MAL: variants seen among roughly 807,000 people sequenced by gnomAD.
MAL encodes the protein myelin and lymphocyte protein.
MAL carries 5 observed loss-of-function variants against 16.7 expected under a neutral mutation model. That is an observed-to-expected ratio of 0.30 (90% CI 0.16 to 0.63). The LOEUF (loss-of-function observed/expected upper bound fraction) is 0.63, where lower values mean the gene tolerates loss of function less well. Ranked by LOEUF, MAL falls within the 30% of genes least tolerant of loss-of-function variation. The pLI is 0.82. For synonymous variants in MAL, 96 were observed against 85.5 expected, an observed-to-expected ratio of 1.12 and a Z score of -0.67; for missense variants, 202 against 195.8, an observed-to-expected ratio of 1.03 and a Z score of -0.19.
At chr2:95,035,590 G>A (rs1399937795) in intron 1 of MAL, among the ~76,000 whole-genome samples, 1 of 152,016 alleles carries the variant, frequency 6.6e-6, no homozygotes, top group African/African-American at 2.4e-5. Context: ...GGGTGAGATT[G>A]CAAGCCTGAA....
chr2:95,038,214 CAGTGAGTG>C (rs1558658498), intron 1 of MAL, among the ~76,000 whole-genome samples: 1 of 44,034 alleles, frequency 2.3e-5, no homozygotes, highest in Non-Finnish European at 4.4e-5. Context: ...GTGAGTGACT[CAGTGAGTG>C]AGTGACTGAG....
chr2:95,039,236 GTGAC>G (rs1304782429), intron 1 of MAL, among the ~76,000 whole-genome samples: 54 of 150,982 alleles, frequency 3.6e-4, no homozygotes, highest in African/African-American at 9.0e-4. Context: ...GAGTGACTGA[GTGAC>G]TGAGTGAGTA....
chr2:95,040,425 A>C (rs1047595463), intron 1 of MAL, among the ~76,000 whole-genome samples: 4 of 152,200 alleles, frequency 2.6e-5, no homozygotes, highest in African/African-American at 9.7e-5. Context: ...ACACATACAT[A>C]CGCACAGAAA....
chr2:95,028,163 A>AC (rs1405898975), intron 1 of MAL, among the ~76,000 whole-genome samples: 1 of 149,494 alleles, frequency 6.7e-6, no homozygotes, highest in Non-Finnish European at 1.5e-5. Flanking sequence ...AAAAAAAAAA[A>AC]AAAAAAAAAA....
At chr2:95,037,707 A>AGTGG (rs1674274658) in intron 1 of MAL, among the ~76,000 whole-genome samples, 1 of 151,256 alleles carries the variant, frequency 6.6e-6, no homozygotes, top group Non-Finnish European at 1.5e-5. Flanking sequence ...TGAGTGAGTG[A>AGTGG]CTGAGTGAGT....
At chr2:95,051,750 G>C (rs547653797) in intron 3 of MAL, 1 of 152,338 alleles carries the variant, frequency 6.6e-6, no homozygotes, top group South Asian at 2.1e-4. Flanking sequence ...TTGAGAACCA[G>C]AGTGTTCTCA....
chr2:95,048,594 T>G (rs1429335608), intron 2 of MAL, among the ~76,000 whole-genome samples: 1 of 152,218 alleles, frequency 6.6e-6, no homozygotes, highest in Non-Finnish European at 1.5e-5. Flanking sequence ...CAGAGAGCAC[T>G]GGGAAACAGA....
chr2:95,042,142 G>A (rs750589051), intron 1 of MAL, among the ~76,000 whole-genome samples: 4 of 152,162 alleles, frequency 2.6e-5, no homozygotes, highest in Non-Finnish European at 5.9e-5. Context: ...GGAGAGGAGG[G>A]GAAAGGAGAG....
chr2:95,030,214 G>A (rs984727474), intron 1 of MAL, among the ~76,000 whole-genome samples: 5 of 152,216 alleles, frequency 3.3e-5, no homozygotes, highest in Admixed American at 3.3e-4. Flanking sequence ...GGAAGAGGAA[G>A]GCAGGCCCAA....
At chr2:95,038,467 G>GGTGAGTGAGTGACTGAGTGA (rs1674317574) in intron 1 of MAL, among the ~76,000 whole-genome samples, 2 of 52,568 alleles carry the variant, frequency 3.8e-5, no homozygotes, top group South Asian at 6.8e-4. Context: ...TGACTGAGTG[G>GGTGAGTGAGTGACTGAGTGA]GTGAGTGAGT....
In MAL at chr2:95,053,880, A is replaced by T; in HGVS notation, c.*425A>T. 1 of 179,202 alleles carries T rather than the reference A, an allele frequency of 5.6e-6. No homozygotes were observed. Among genetic ancestry groups the T allele is most frequent in the Non-Finnish European group, 1.2e-5 (1 of 83,964 alleles). 11.1% of individuals were successfully genotyped at this position (179,202 alleles called of 1,614,324 possible). ...ATCTTGTGCCATGTTTTAAGTCTTC[A>T]TGGATGTTCTGCATGTCATGGGGAC... On this transcript the variant is annotated 3_prime_UTR_variant, in exon 4 of 4. Coordinates refer to ENST00000309988, the MANE Select transcript of MAL (RefSeq NM_002371.4).
intron 1 of MAL, among the ~76,000 whole-genome samples, chr2:95,034,472 C>A (rs1674159368): frequency 6.6e-6 from 1 of 152,226 alleles, no homozygotes; most frequent in East Asian, 1.9e-4. Flanking sequence ...CATCTGCCCG[C>A]AGGCGTAGGA....
chr2:95,050,158 A>G (rs1442995176), intron 3 of MAL, among the ~76,000 whole-genome samples: 1 of 152,210 alleles, frequency 6.6e-6, no homozygotes, highest in South Asian at 2.1e-4. Flanking sequence ...CCACACTCTC[A>G]GCACCAGTTT....
At chr2:95,049,918 C>T (rs1044181564) in intron 3 of MAL, among the ~76,000 whole-genome samples, 1 of 152,130 alleles carries the variant, frequency 6.6e-6, no homozygotes, top group Admixed American at 6.5e-5. Context: ...GCCAGGGCTG[C>T]ATGCCCCAGG....
chr2:95,037,528 G>C lies in MAL; in HGVS notation c.94-10431G>C, dbSNP rs1674263132. On this transcript the variant is annotated intron_variant, in intron 1 of 3. Transcript: ENST00000309988. ...ACTGAGTGAGTGAGTGAGTGAGCAA[G>C]CGAGTGAGTGACTGAGTGAGTGAGT... is the stretch of plus-strand genomic sequence containing the variant. 2.0e-5 allele frequency among the ~76,000 whole-genome samples: 3 copies of C among 147,622 alleles called. No homozygotes were observed. In the South Asian group the frequency reaches 6.6e-4, roughly 32 times the overall value.
chr2:95,051,144 G>T (rs1392500529), intron 3 of MAL, among the ~76,000 whole-genome samples: 1 of 152,186 alleles, frequency 6.6e-6, no homozygotes, highest in Non-Finnish European at 1.5e-5. Flanking sequence ...CAGGTCTCTA[G>T]TTGAGAACCA....
At chr2:95,039,396 G>GTGAC (rs1674380013) in intron 1 of MAL, among the ~76,000 whole-genome samples, 1 of 151,080 alleles carries the variant, frequency 6.6e-6, no homozygotes, top group African/African-American at 2.4e-5. Context: ...GAGTGAGTGA[G>GTGAC]TGACTGAGTG....
chr2:95,035,219 T>C (rs1674176626), intron 1 of MAL, among the ~76,000 whole-genome samples: 1 of 152,214 alleles, frequency 6.6e-6, no homozygotes, highest in African/African-American at 2.4e-5. Flanking sequence ...CTAACCTACC[T>C]GGTGACTCCC....
At chr2:95,034,905 G>A (rs899950346) in intron 1 of MAL, among the ~76,000 whole-genome samples, 1 of 152,120 alleles carries the variant, frequency 6.6e-6, no homozygotes, top group Admixed American at 6.6e-5. Flanking sequence ...CTTATTGTCT[G>A]TCTCGTGCCT....
Sources: allele counts gnomAD v4.1 joint callset (sites outside exome capture counted in the v4.1 genomes callset), GRCh38; gene constraint gnomAD v4.1.1; transcripts MANE v1.5; gene names NCBI Gene and HGNC (gene_info 2026-07-23, HGNC 2026-07-21).